The following PAPPA variants were observed in gnomAD, a reference collection of about 807,000 sequenced individuals.
PAPPA encodes the protein pappalysin 1.
A neutral mutation model predicts 164.0 loss-of-function variants in PAPPA; 60 were observed. The observed-to-expected ratio is 0.37, with a 90% CI of 0.30 to 0.45. PAPPA has a LOEUF of 0.45. Ranked by LOEUF, PAPPA falls within the 20% of genes least tolerant of loss-of-function variation. The probability of loss-of-function intolerance (pLI) is 1.00; values close to 1 mark genes in which losing one functional copy is unlikely to be tolerated. For missense variants in PAPPA, 1,782 were observed against 2,087.3 expected, an observed-to-expected ratio of 0.85 and a Z score of 2.85; for synonymous variants, 875 against 814.1, an observed-to-expected ratio of 1.07 and a Z score of -1.27.
chr9:116,191,865 C>T (rs1334604522), intron 2 of PAPPA, among the ~76,000 whole-genome samples: 1 of 152,092 alleles, frequency 6.6e-6, no homozygotes, highest in Non-Finnish European at 1.5e-5. Context: ...ATGTTGTAGG[C>T]AGGATTAAGG....
intron 19 of PAPPA, among the ~76,000 whole-genome samples, chr9:116,376,060 C>T (rs1472634886): frequency 7.3e-6 from 1 of 136,894 alleles, no homozygotes; most frequent in Non-Finnish European, 1.5e-5. Context: ...CTCGCTCTGT[C>T]GCCAGGCTAG....
chr9:116,283,882 A>AG (rs71377231), intron 9 of PAPPA, among the ~76,000 whole-genome samples: 13,116 of 152,162 alleles, frequency 0.086, 799 homozygotes, highest in Admixed American at 0.18. Flanking sequence ...AGGGACAGGG[A>AG]GGGAGGAAAA....
At chr9:116,325,638 T>G (rs1845911549) in intron 10 of PAPPA, among the ~76,000 whole-genome samples, 1 of 152,154 alleles carries the variant, frequency 6.6e-6, no homozygotes. Flanking sequence ...AGGATGAGGA[T>G]GAGAAGCAGT....
chr9:116,245,188 G>T (rs1349101087), intron 7 of PAPPA, among the ~76,000 whole-genome samples: 2 of 151,850 alleles, frequency 1.3e-5, no homozygotes, highest in Non-Finnish European at 1.5e-5. Flanking sequence ...GTGGATGATG[G>T]GCAATTACTT....
At chr9:116,227,167 C>T (rs181364391) in intron 5 of PAPPA, among the ~76,000 whole-genome samples, 158 of 152,322 alleles carry the variant, frequency 1.0e-3, no homozygotes, top group Non-Finnish European at 1.6e-3. Context: ...AGACTTCAGC[C>T]TGTTGACTTT....
intron 19 of PAPPA, among the ~76,000 whole-genome samples, chr9:116,368,812 C>T (rs986136215): frequency 6.6e-6 from 1 of 152,174 alleles, no homozygotes; most frequent in Admixed American, 6.5e-5. Flanking sequence ...CTGCCTGCTG[C>T]AGATCACACT....
chr9:116,231,417 A>G (rs189157625), intron 6 of PAPPA, among the ~76,000 whole-genome samples: 13 of 151,704 alleles, frequency 8.6e-5, no homozygotes, highest in Admixed American at 2.6e-4. Flanking sequence ...TACATGTCCA[A>G]TCAATCTCCC....
intron 10 of PAPPA, among the ~76,000 whole-genome samples, chr9:116,303,412 G>T (rs928453614): frequency 6.6e-6 from 1 of 152,102 alleles, no homozygotes; most frequent in African/African-American, 2.4e-5. Flanking sequence ...AGTTGAGCTT[G>T]TTGATCTCCA....
At chr9:116,183,203 G>A (rs1843927492) in intron 1 of PAPPA, among the ~76,000 whole-genome samples, 1 of 152,134 alleles carries the variant, frequency 6.6e-6, no homozygotes, top group African/African-American at 2.4e-5. Context: ...CCAGAGAACA[G>A]CATTGTGTGT....
chr9:116,382,243 A>G (rs1340503628), intron 20 of PAPPA, 152 bp from the exon 21 acceptor site: 1 of 629,868 alleles, frequency 1.6e-6, no homozygotes, highest in Non-Finnish European at 2.9e-6. Flanking sequence ...GTGATAACTC[A>G]TTCAAGGGGG....
At chr9:116,192,767 G>T (rs1587945779) in intron 2 of PAPPA, among the ~76,000 whole-genome samples, 1 of 152,176 alleles carries the variant, frequency 6.6e-6, no homozygotes, top group African/African-American at 2.4e-5. Context: ...GACTTCATCT[G>T]CAGCCATTAG....
chr9:116,284,584 A>G (rs1183401692), intron 9 of PAPPA, among the ~76,000 whole-genome samples: 1 of 91,648 alleles, frequency 1.1e-5, no homozygotes, highest in South Asian at 3.8e-4. Flanking sequence ...ATGAACTTGT[A>G]TATCTAATTG....
intron 10 of PAPPA, among the ~76,000 whole-genome samples, chr9:116,305,429 TC>T (rs944066463): frequency 2.1e-5 from 3 of 144,862 alleles, no homozygotes; most frequent in Non-Finnish European, 3.0e-5. Context: ...CTTCTCACTT[TC>T]CCCCCAGATG....
At chr9:116,325,315 G>C (rs945391148) in intron 10 of PAPPA, among the ~76,000 whole-genome samples, 2 of 152,104 alleles carry the variant, frequency 1.3e-5, no homozygotes, top group Admixed American at 1.3e-4. Flanking sequence ...AAATGATATT[G>C]TGACTATGAA....
In PAPPA at chr9:116,212,836, T is replaced by C. The variant is rs115728013; in HGVS notation, c.1918+904T>C. On this transcript the variant is annotated intron_variant, in intron 4 of 21. Transcript: ENST00000328252. ...AAATTTATTCTTATCAAAAGCAATA[T>C]TTCTACTCATGTAACAAAATATTGT... Among the ~76,000 whole-genome samples, 1,255 of 152,290 alleles carry C rather than the reference T, an allele frequency of 8.2e-3. 16 individuals carry two copies. The highest frequency in any genetic ancestry group is 0.028 in the African/African-American group (1,172 of 41,558).
At chr9:116,362,876 T>C in intron 18 of PAPPA, 137 bp downstream of exon 18, 1 of 777,112 alleles carries the variant, frequency 1.3e-6, no homozygotes, top group Non-Finnish European at 2.0e-6. Flanking sequence ...GATGAATTAG[T>C]GTAGACCATG....
chr9:116,394,119 G>A (rs541374569), intron 21 of PAPPA, among the ~76,000 whole-genome samples: 257 of 152,272 alleles, frequency 1.7e-3, no homozygotes, highest in Non-Finnish European at 2.8e-3. Context: ...TAGAATGAGA[G>A]CAAGGGTAGG....
Position 116,305,250 on chromosome 9 carries a change from G to A in PAPPA, c.3147+2300G>A, listed in dbSNP as rs180859092. Reference sequence around the variant, plus strand: ...CCTTCCTTCCAACAACAGAGAATGAGGAGGAAGTATAATTGTGCTCTTCAT... The same window carrying A: ...CCTTCCTTCCAACAACAGAGAATGAAGAGGAAGTATAATTGTGCTCTTCAT... On this transcript the variant is annotated intron_variant, in intron 10 of 21. Coordinates refer to ENST00000328252, the MANE Select transcript of PAPPA (RefSeq NM_002581.5). Among the ~76,000 whole-genome samples the A allele has an allele frequency of 1.3e-4, 19 of 151,578 alleles. No individual in the cohort carries two copies. In the East Asian group the frequency reaches 3.3e-3, roughly 26 times the overall value.
At chr9:116,365,612 A>AT (rs35415996) in intron 18 of PAPPA, among the ~76,000 whole-genome samples, 39 of 135,524 alleles carry the variant, frequency 2.9e-4, no homozygotes, top group African/African-American at 5.0e-4. Context: ...CAGAGGCTGC[A>AT]TTTTTTTTTT....
Sources: gnomAD v4.1 joint callset for allele counts (sites outside exome capture counted in the v4.1 genomes callset) on GRCh38, gnomAD v4.1.1 for gene constraint, MANE v1.5 for transcripts, NCBI Gene and HGNC (gene_info 2026-07-23, HGNC 2026-07-21) for gene names.